Variants in DCLK1 observed in about 807,000 individuals in gnomAD.
DCLK1 encodes the protein serine/threonine-protein kinase DCLK1.
Under a neutral mutation model 86.2 loss-of-function variants are expected in DCLK1, and 16 were observed. The observed-to-expected ratio is 0.19, with a 90% CI of 0.13 to 0.28. The LOEUF (loss-of-function observed/expected upper bound fraction) is 0.28, where lower values mean the gene tolerates loss of function less well. DCLK1 is among the 10% of genes least tolerant of loss of function. The pLI, the probability that DCLK1 is intolerant of heterozygous loss-of-function variation, is 1.00. For missense variants in DCLK1, 590 were observed against 940.2 expected, an observed-to-expected ratio of 0.63 and a Z score of 4.87; for synonymous variants, 369 against 370.5, an observed-to-expected ratio of 1.00 and a Z score of 0.05.
chr13:35,863,825 T>C (rs899566121), intron 5 of DCLK1, among the ~76,000 whole-genome samples: 31 of 152,238 alleles, frequency 2.0e-4, no homozygotes, highest in Admixed American at 6.5e-5. Flanking sequence ...TTCTCTTCAC[T>C]TCCTCAGCTT....
intron 3 of DCLK1, among the ~76,000 whole-genome samples, chr13:36,109,185 T>C (rs1377681488): frequency 6.6e-6 from 1 of 152,140 alleles, no homozygotes; most frequent in African/African-American, 2.4e-5. Flanking sequence ...GATCCTGCTA[T>C]GAAGAGAACA....
chr13:35,945,185 C>T (rs1877305575), intron 4 of DCLK1, among the ~76,000 whole-genome samples: 1 of 152,204 alleles, frequency 6.6e-6, no homozygotes, highest in Non-Finnish European at 1.5e-5. Context: ...CAGGCGTGAG[C>T]CACTGCACCC....
rs2086332256 is a variant in DCLK1, at chr13:35,771,491, T to C, written c.*3044A>G. 1 of 152,198 alleles carries C rather than the reference T, an allele frequency of 6.6e-6. No homozygotes were observed. The highest frequency in any genetic ancestry group is 1.5e-5 in the Non-Finnish European group (1 of 68,036). The allele number at this position is 152,198 out of a possible 1,614,324, so 9.4% of individuals were successfully genotyped here. The stretch of plus-strand genomic sequence containing the variant: ...CTGGAGCAAATCACATATTCATTGA[T>C]CATGACGAATAAAATGATTTCTGCT... On this transcript the variant is annotated 3_prime_UTR_variant, in exon 17 of 17. Transcript: ENST00000360631.
intron 12 of DCLK1, among the ~76,000 whole-genome samples, chr13:35,810,284 G>T (rs1180739958): frequency 6.6e-6 from 1 of 152,178 alleles, no homozygotes; most frequent in Admixed American, 6.5e-5. Flanking sequence ...TGGGGTCTTA[G>T]TAAGGAATAG....
chr13:35,809,144 T>C (rs2087092309), intron 12 of DCLK1, 49 bp from the exon 13 acceptor site: 1 of 1,476,244 alleles, frequency 6.8e-7, no homozygotes, highest in Non-Finnish European at 9.3e-7. Flanking sequence ...CTCGGACAAA[T>C]TATGCAGCTT....
Position 35,927,206 on chromosome 13 carries a change from T to C in DCLK1, c.823+20152A>G, listed in dbSNP as rs1029190176. 5.9e-5 allele frequency among the ~76,000 whole-genome samples: 9 copies of C among 152,338 alleles called. No homozygotes were observed. The South Asian group carries it at 1.9e-3, about 32-fold the overall frequency. ...TTATCTGTCTGAAGGAAATAATACATTGTGTGAAATATAAAGTCTACTCTA... is the reference window on the plus strand; with the variant it reads ...TTATCTGTCTGAAGGAAATAATACACTGTGTGAAATATAAAGTCTACTCTA... On this transcript the variant is annotated intron_variant, in intron 4 of 16. Coordinates refer to ENST00000360631, the MANE Select transcript of DCLK1 (RefSeq NM_001330071.2).
intron 4 of DCLK1, among the ~76,000 whole-genome samples, chr13:35,919,628 G>C (rs1447331805): frequency 6.6e-6 from 1 of 151,968 alleles, no homozygotes; most frequent in Non-Finnish European, 1.5e-5. Flanking sequence ...CAGCATAATG[G>C]TTAGGCAGGC....
At chr13:36,032,990 G>A (rs1442238174) in intron 3 of DCLK1, among the ~76,000 whole-genome samples, 2 of 152,186 alleles carry the variant, frequency 1.3e-5, no homozygotes, top group East Asian at 3.9e-4. Context: ...AGTAACAGGG[G>A]AACGTGGATG....
chr13:36,097,822 C>T (rs993706334), intron 3 of DCLK1, among the ~76,000 whole-genome samples: 1 of 151,870 alleles, frequency 6.6e-6, no homozygotes, highest in East Asian at 1.9e-4. Context: ...ACCAATAAAG[C>T]TCAGCAATAA....
At chr13:35,964,556 A>G (rs1255284178) in intron 3 of DCLK1, among the ~76,000 whole-genome samples, 1 of 152,196 alleles carries the variant, frequency 6.6e-6, no homozygotes, top group Non-Finnish European at 1.5e-5. Flanking sequence ...GGCCGGAAAT[A>G]TTTGTTTTCA....
chr13:35,857,759 T>A (rs1871152131), intron 5 of DCLK1, among the ~76,000 whole-genome samples: 1 of 152,200 alleles, frequency 6.6e-6, no homozygotes, highest in African/African-American at 2.4e-5. Context: ...GATACAGAAG[T>A]TAGCCTGGTG....
intron 6 of DCLK1, among the ~76,000 whole-genome samples, chr13:35,851,813 T>C (rs1321356329): frequency 6.6e-6 from 1 of 152,190 alleles, no homozygotes; most frequent in Non-Finnish European, 1.5e-5. Flanking sequence ...AGAGGTAACA[T>C]AAAAATGTGA....
chr13:36,115,210 T>C (rs2138196605), intron 2 of DCLK1, among the ~76,000 whole-genome samples: 1 of 152,234 alleles, frequency 6.6e-6, no homozygotes, highest in Non-Finnish European at 1.5e-5. Flanking sequence ...AATAACAAGA[T>C]AAAGTAAGCT....
intron 4 of DCLK1, among the ~76,000 whole-genome samples, chr13:35,903,107 C>T (rs368703577): frequency 7.2e-5 from 11 of 152,116 alleles, no homozygotes; most frequent in African/African-American, 7.2e-5. Flanking sequence ...ACTTCACACC[C>T]TAAATGAAGC....
chr13:35,909,595 ATATGTGTG>A (rs1369849436), intron 4 of DCLK1, among the ~76,000 whole-genome samples: 1 of 102,886 alleles, frequency 9.7e-6, no homozygotes, highest in African/African-American at 4.1e-5. Context: ...TGCTGTGTGC[ATATGTGTG>A]TGTGTGTGTG....
At chr13:35,999,929 A>C (rs1238407688) in intron 3 of DCLK1, among the ~76,000 whole-genome samples, 1 of 152,162 alleles carries the variant, frequency 6.6e-6, no homozygotes, top group Non-Finnish European at 1.5e-5. Context: ...CAATCCACCC[A>C]AACAAGTCTT....
At position 36,062,024 on chromosome 13, in the gene DCLK1, A is replaced by C. The variant is rs17053379; in HGVS notation, c.723+49845T>G. 5.9e-5 allele frequency among the ~76,000 whole-genome samples: 9 copies of C among 152,232 alleles called. No individual in the cohort carries two copies. In the East Asian group the frequency reaches 1.7e-3, roughly 29 times the overall value. On this transcript the variant is annotated intron_variant, in intron 3 of 16. Transcript: ENST00000360631. Reference sequence around the variant, plus strand: ...AAATTTGGAGTGCTCGTCAGGTACAATTCTGTTTGACTTCTGGTTGTGATT... The same window carrying C: ...AAATTTGGAGTGCTCGTCAGGTACACTTCTGTTTGACTTCTGGTTGTGATT...
chr13:36,016,898 A>G (rs1385183008), intron 3 of DCLK1, among the ~76,000 whole-genome samples: 1 of 152,176 alleles, frequency 6.6e-6, no homozygotes, highest in African/African-American at 2.4e-5. Context: ...CTTCACATTT[A>G]CAACACACCT....
intron 3 of DCLK1, among the ~76,000 whole-genome samples, chr13:36,007,960 T>C (rs1881059913): frequency 1.3e-5 from 2 of 151,998 alleles, no homozygotes; most frequent in Admixed American, 6.6e-5. Context: ...ATCCAGACTA[T>C]AAAGGCAATC....
Sources: gnomAD v4.1 joint callset for allele counts (sites outside exome capture counted in the v4.1 genomes callset) on GRCh38, gnomAD v4.1.1 for gene constraint, MANE v1.5 for transcripts, NCBI Gene and HGNC (gene_info 2026-07-23, HGNC 2026-07-21) for gene names.